Variants in AOPEP observed in about 807,000 individuals in gnomAD.
AOPEP encodes aminopeptidase O (putative).
A neutral mutation model predicts 98.1 loss-of-function variants in AOPEP; 77 were observed. The observed-to-expected ratio is 0.78, with a 90% confidence interval of 0.65 to 0.95. The LOEUF is 0.95. Among genes scored for constraint, AOPEP ranks in the 40% least tolerant of loss-of-function variants. AOPEP has a pLI of 0.00. For missense variants in AOPEP, 1,024 were observed against 1,024.7 expected (o/e 1.00, Z 0.01); for synonymous variants, 346 against 365.3 (o/e 0.95, Z 0.60).
chr9:94,911,073 T>TAGAGATAGAGGGAAGACTGTCTACC (rs2051965187), intron 5 of AOPEP, among the ~76,000 whole-genome samples: 1 of 152,100 alleles, frequency 6.6e-6, no homozygotes, highest in African/African-American at 2.4e-5. Flanking sequence ...AAACAATTGA[T>TAGAGATAGAGGGAAGACTGTCTACC]AGAGATAGAG....
chr9:95,008,535 C>T (rs1273173981), intron 13 of AOPEP, among the ~76,000 whole-genome samples: 1 of 152,148 alleles, frequency 6.6e-6, no homozygotes, highest in Non-Finnish European at 1.5e-5. Flanking sequence ...CTGATGTAAC[C>T]TGAAATACTA....
At chr9:95,085,378 AC>A in intron 16 of AOPEP, 1 of 499,234 alleles carries the variant, frequency 2.0e-6, no homozygotes, top group Non-Finnish European at 4.2e-6. Flanking sequence ...TTCTTTGGAA[AC>A]AAAAGAAGCC....
chr9:95,116,733 C>G, the AOPEP span, among the ~76,000 whole-genome samples: 1 of 152,188 alleles, frequency 6.6e-6, no homozygotes, highest in South Asian at 2.1e-4. Context: ...TGGATCAACA[C>G]CAGTCGAATG....
chr9:95,025,440 G>A (rs906708704), intron 13 of AOPEP, among the ~76,000 whole-genome samples: 23 of 152,240 alleles, frequency 1.5e-4, no homozygotes, highest in African/African-American at 4.6e-4. Context: ...ACAGACAAGA[G>A]TTGTTGATGA....
chr9:95,094,912 C>T, the AOPEP span, among the ~76,000 whole-genome samples: 1 of 152,196 alleles, frequency 6.6e-6, no homozygotes, highest in Non-Finnish European at 1.5e-5. Flanking sequence ...GATCTGCCTG[C>T]CTGGGCCTCC....
At chr9:94,897,143 A>G (rs541613643) in intron 5 of AOPEP, among the ~76,000 whole-genome samples, 17 of 152,266 alleles carry the variant, frequency 1.1e-4, no homozygotes, top group African/African-American at 3.8e-4. Context: ...TTTGAAGAGT[A>G]ATGATGAGGG....
chr9:94,970,793 A>T (rs2059489537), intron 10 of AOPEP, among the ~76,000 whole-genome samples: 1 of 151,822 alleles, frequency 6.6e-6, no homozygotes, highest in Non-Finnish European at 1.5e-5. Flanking sequence ...TACCTGCAGG[A>T]TATATTTTTT....
At chr9:95,030,394 T>C (rs1029042277) in intron 13 of AOPEP, among the ~76,000 whole-genome samples, 3 of 152,234 alleles carry the variant, frequency 2.0e-5, no homozygotes, top group Admixed American at 1.3e-4. Flanking sequence ...ATCTGTTATG[T>C]ACATTTCATA....
At chr9:95,031,050 G>A (rs1024832631) in intron 13 of AOPEP, among the ~76,000 whole-genome samples, 1 of 152,118 alleles carries the variant, frequency 6.6e-6, no homozygotes, top group African/African-American at 2.4e-5. Flanking sequence ...TGGCTTTTCC[G>A]ACCCTTCTCT....
At chr9:95,129,379 T>C in the AOPEP span, among the ~76,000 whole-genome samples, 6 of 152,160 alleles carry the variant, frequency 3.9e-5, no homozygotes, top group Non-Finnish European at 8.8e-5. Flanking sequence ...ATCTTCCAAA[T>C]AGAATTAAGG....
At chr9:94,772,852 T>G (rs1841191613) in intron 2 of AOPEP, 150 bp from the exon 3 acceptor site, 1 of 668,422 alleles carries the variant, frequency 1.5e-6, no homozygotes, top group East Asian at 2.7e-5. Context: ...CTTGGCAGCT[T>G]CAGTTCAAAA....
intron 7 of AOPEP, among the ~76,000 whole-genome samples, chr9:94,929,397 A>G (rs908456301): frequency 2.6e-5 from 4 of 152,246 alleles, no homozygotes; most frequent in Non-Finnish European, 4.4e-5. Flanking sequence ...ACTTCGCCTG[A>G]CTGTGACTGA....
At chr9:95,101,066 G>C in the AOPEP span, 2 of 235,068 alleles carry the variant, frequency 8.5e-6, no homozygotes, top group Non-Finnish European at 1.7e-5. Context: ...GATGTCCCAA[G>C]GGCCTTTTGG....
intron 7 of AOPEP, among the ~76,000 whole-genome samples, chr9:94,940,957 G>A (rs761798458): frequency 6.6e-6 from 1 of 151,940 alleles, no homozygotes; most frequent in African/African-American, 2.4e-5. Context: ...TGGCTGGAAT[G>A]TTCAACAAGT....
At chr9:95,099,328 G>A in the AOPEP span, 22 of 226,880 alleles carry the variant, frequency 9.7e-5, no homozygotes, top group East Asian at 1.4e-3. Flanking sequence ...TGAAGACCTT[G>A]GTCCAGTTCC....
chr9:94,853,490 A>G (rs529106450), intron 5 of AOPEP, among the ~76,000 whole-genome samples: 13 of 152,318 alleles, frequency 8.5e-5, no homozygotes, highest in Admixed American at 3.3e-4. Flanking sequence ...CAAGCAGTCC[A>G]TTCAGTCTCA....
intron 3 of AOPEP, among the ~76,000 whole-genome samples, chr9:94,777,482 A>G (rs1842383148): frequency 6.6e-6 from 1 of 151,884 alleles, no homozygotes; most frequent in South Asian, 2.1e-4. Context: ...GTAAATCTCT[A>G]CTGCTGAAAT....
chr9:94,895,181 C>T (rs2136121598), intron 5 of AOPEP, among the ~76,000 whole-genome samples: 1 of 149,660 alleles, frequency 6.7e-6, no homozygotes, highest in South Asian at 2.1e-4. Flanking sequence ...TGAGAGTAGC[C>T]TGGGCAACAT....
At chr9:95,126,784 A>T in the AOPEP span, 1 of 589,850 alleles carries the variant, frequency 1.7e-6, no homozygotes, top group Non-Finnish European at 3.1e-6. Flanking sequence ...CAGGGGTTAC[A>T]GGCAGCTTAT....
Sources: allele counts gnomAD v4.1 joint callset (sites outside exome capture counted in the v4.1 genomes callset), GRCh38; gene constraint gnomAD v4.1.1; transcripts MANE v1.5; gene names NCBI Gene and HGNC (gene_info 2026-07-23, HGNC 2026-07-21).